COL5A1: variants seen among roughly 807,000 people sequenced by gnomAD.
The protein encoded by COL5A1 is collagen alpha-1(V) chain.
Under a neutral mutation model 263.7 loss-of-function variants are expected in COL5A1, and 16 were observed. The observed-to-expected ratio is 0.06, with a 90% CI of 0.04 to 0.09. The LOEUF (loss-of-function observed/expected upper bound fraction) is 0.09, where lower values mean the gene tolerates loss of function less well. Among genes scored for constraint, COL5A1 ranks in the 10% least tolerant of loss-of-function variants. COL5A1 has a pLI of 1.00. For synonymous variants in COL5A1, 1,012 were observed against 1,004.5 expected (o/e 1.01, Z -0.14); for missense variants, 2,036 against 2,540.5 (o/e 0.80, Z 4.27).
intron 30 of COL5A1, 97 bp from the exon 31 acceptor site, chr9:134,785,898 C>T (rs1837440792): frequency 8.6e-7 from 1 of 1,161,706 alleles, no homozygotes. Context: ...CACCCTCCTC[C>T]AGGCCCCTGC....
chr9:134,812,308 G>T, intron 46 of COL5A1, 141 bp from the exon 47 acceptor site: 1 of 793,786 alleles, frequency 1.3e-6, no homozygotes, highest in Non-Finnish European at 2.2e-6. Context: ...ACGTCCTCGT[G>T]GGTAGCTATG....
chr9:134,670,207 C>T (rs966937769), intron 1 of COL5A1, among the ~76,000 whole-genome samples: 6 of 152,296 alleles, frequency 3.9e-5, no homozygotes, highest in Non-Finnish European at 5.9e-5. Context: ...TGTTTCCAAT[C>T]GTTTGCTGTT....
chr9:134,717,133 TG>T (rs1380517447), intron 4 of COL5A1, among the ~76,000 whole-genome samples: 2 of 152,014 alleles, frequency 1.3e-5, no homozygotes, highest in East Asian at 3.9e-4. Context: ...GCAGCTGGAA[TG>T]GGGGGATCTG....
chr9:134,730,803 G>A (rs1026634713), intron 7 of COL5A1, among the ~76,000 whole-genome samples: 1 of 152,220 alleles, frequency 6.6e-6, no homozygotes, highest in Non-Finnish European at 1.5e-5. Context: ...GAGGGGGGTG[G>A]CTTGTGGACA....
intron 57 of COL5A1, 119 bp from the exon 58 acceptor site, chr9:134,819,997 G>A (rs1253347115): frequency 4.9e-6 from 4 of 824,008 alleles, no homozygotes; most frequent in Non-Finnish European, 6.4e-6. Context: ...TCCAGGGGAG[G>A]CTGACCATGA....
chr9:134,750,343 C>T (rs193105719), intron 11 of COL5A1, among the ~76,000 whole-genome samples, 199 bp from the exon 12 acceptor site: 14 of 152,316 alleles, frequency 9.2e-5, no homozygotes, highest in East Asian at 7.7e-4. Flanking sequence ...AAAGCCTTTC[C>T]GATCCTCAGC....
intron 1 of COL5A1, among the ~76,000 whole-genome samples, chr9:134,654,008 G>T (rs1328115391): frequency 1.4e-5 from 2 of 148,002 alleles, no homozygotes; most frequent in Middle Eastern, 3.7e-3. Context: ...TGTAGGGCTG[G>T]AGGTGTGTAG....
At chr9:134,767,139 G>A in intron 23 of COL5A1, 86 bp downstream of exon 23, 3 of 1,518,038 alleles carry the variant, frequency 2.0e-6, no homozygotes, top group Non-Finnish European at 2.7e-6. Flanking sequence ...AGGAAGCGGG[G>A]AGCTCTGTCC....
intron 5 of COL5A1, among the ~76,000 whole-genome samples, chr9:134,727,882 C>T (rs770167443): frequency 1.3e-5 from 2 of 152,164 alleles, no homozygotes; most frequent in Non-Finnish European, 2.9e-5. Context: ...TCCTGGGACC[C>T]GCCATGTCCA....
chr9:134,760,490 C>T (rs1456316250), intron 18 of COL5A1, among the ~76,000 whole-genome samples: 2 of 123,866 alleles, frequency 1.6e-5, no homozygotes, highest in Non-Finnish European at 3.4e-5. Flanking sequence ...CATGCACACA[C>T]ACCACACATG....
intron 1 of COL5A1, among the ~76,000 whole-genome samples, chr9:134,668,762 C>T (rs775350671): frequency 2.0e-5 from 3 of 151,926 alleles, no homozygotes; most frequent in Non-Finnish European, 4.4e-5. Context: ...CCCATTTGTC[C>T]ATACTCCATG....
chr9:134,777,185 C>T (rs1204555120), intron 27 of COL5A1, among the ~76,000 whole-genome samples: 1 of 152,230 alleles, frequency 6.6e-6, no homozygotes, highest in East Asian at 1.9e-4. Context: ...AAATCCACCC[C>T]TCGTTTAGCC....
intron 9 of COL5A1, among the ~76,000 whole-genome samples, chr9:134,732,968 G>A (rs749294717): frequency 6.6e-6 from 1 of 152,214 alleles, no homozygotes; most frequent in Non-Finnish European, 1.5e-5. Context: ...AGGGAGTCCT[G>A]CCGCTGCATG....
rs11103510 is a variant in COL5A1, at chr9:134,763,474, G to A, written c.1990-219G>A. Among the ~76,000 whole-genome samples the A allele has an allele frequency of 0.064, 9,780 of 152,320 alleles. 497 individuals are homozygous for A. Among genetic ancestry groups the A allele is most frequent in the East Asian group, 0.3 (1,534 of 5,170 alleles). On this transcript the variant is annotated intron_variant, in intron 19 of 65. Transcript: ENST00000371817. ...GCTGTGGCATGTGAGCTCCTGAGCCGGCATCTCAGAGCCTGCAGGCTTCAC... is the reference window on the plus strand; with the variant it reads ...GCTGTGGCATGTGAGCTCCTGAGCCAGCATCTCAGAGCCTGCAGGCTTCAC...
intron 29 of COL5A1, 121 bp from the exon 30 acceptor site, chr9:134,784,868 G>T: frequency 1.3e-6 from 1 of 793,486 alleles, no homozygotes; most frequent in South Asian, 1.5e-5. Flanking sequence ...CGAGCTGGTG[G>T]AGCAGCTCTG....
intron 64 of COL5A1, among the ~76,000 whole-genome samples, chr9:134,834,009 G>A (rs977362938): frequency 9.2e-5 from 14 of 152,138 alleles, no homozygotes; most frequent in African/African-American, 3.4e-4. Context: ...GACAGCAGTG[G>A]GGGCACCTCC....
intron 7 of COL5A1, 28 bp downstream of exon 7, chr9:134,730,503 G>A (rs200130943): frequency 6.2e-7 from 1 of 1,613,248 alleles, no homozygotes; most frequent in South Asian, 1.1e-5. Context: ...CATTGGTTTG[G>A]TCTGGGGCAG....
chr9:134,662,428 T>C (rs1299153945), intron 1 of COL5A1, among the ~76,000 whole-genome samples: 1 of 152,258 alleles, frequency 6.6e-6, no homozygotes, highest in Admixed American at 6.5e-5. Flanking sequence ...CCTGGGAAGC[T>C]CTGAAGCCTG....
At chr9:134,703,917 G>A (rs940141075) in intron 4 of COL5A1, among the ~76,000 whole-genome samples, 3 of 152,134 alleles carry the variant, frequency 2.0e-5, no homozygotes, top group Non-Finnish European at 4.4e-5. Flanking sequence ...GGGATTGCAG[G>A]CGTGAGCCAC....
Sources: allele counts gnomAD v4.1 joint callset (sites outside exome capture counted in the v4.1 genomes callset), GRCh38; gene constraint gnomAD v4.1.1; transcripts MANE v1.5; gene names NCBI Gene and HGNC (gene_info 2026-07-23, HGNC 2026-07-21).